The following ZNF831 variants were observed in gnomAD, a reference collection of about 807,000 sequenced individuals.
The protein encoded by ZNF831 is zinc finger protein 831.
In ZNF831, 59 loss-of-function variants were observed where a neutral mutation model predicts 95.8. The observed-to-expected ratio is 0.62, with a 90% confidence interval of 0.50 to 0.77. ZNF831 has a LOEUF of 0.77. ZNF831 is among the 30% of genes least tolerant of loss of function. The pLI, the probability that ZNF831 is intolerant of heterozygous loss-of-function variation, is 0.00. For missense variants in ZNF831, 2,205 were observed against 2,164.0 expected (o/e 1.02, Z -0.38); for synonymous variants, 961 against 925.5 (o/e 1.04, Z -0.70).
At chr20:59,225,254 T>C (rs1279740885) in intron 4 of ZNF831, among the ~76,000 whole-genome samples, 1 of 152,214 alleles carries the variant, frequency 6.6e-6, no homozygotes, top group Non-Finnish European at 1.5e-5. Flanking sequence ...GAAGAAGTTG[T>C]TCTTTTTTAT....
chr20:59,156,732 T>C (rs1980564319), intron 2 of ZNF831, among the ~76,000 whole-genome samples: 1 of 152,204 alleles, frequency 6.6e-6, no homozygotes, highest in Non-Finnish European at 1.5e-5. Flanking sequence ...TTGACTGTTT[T>C]AGATTCCACA....
At position 59,194,493 on chromosome 20, in the gene ZNF831, G is replaced by A. The variant is rs767673212; in HGVS notation, c.3474G>A (p.Thr1158=). 2.4e-5 allele frequency: 38 copies of A among 1,611,782 alleles called. No homozygotes were observed. The highest frequency in any genetic ancestry group is 5.3e-5 in the African/African-American group (4 of 74,896). The change falls in exon 2 of 6, where the codon ACG becomes ACA. Residue 1158 remains threonine (T), a synonymous_variant. Coordinates refer to ENST00000371030, the MANE Select transcript of ZNF831 (RefSeq NM_178457.3). ...PELALSSHSG[T]SRSHSTRSPH... is the part of the protein sequence containing the mutation. Reference sequence around the variant, plus strand: ...TGGCCTTGTCTTCCCACTCAGGGACGTCCCGGAGCCACAGCACCCGCAGTC... The same window carrying A: ...TGGCCTTGTCTTCCCACTCAGGGACATCCCGGAGCCACAGCACCCGCAGTC...
intron 3 of ZNF831, among the ~76,000 whole-genome samples, chr20:59,200,024 C>T (rs994261077): frequency 6.6e-6 from 1 of 152,186 alleles, no homozygotes; most frequent in Non-Finnish European, 1.5e-5. Flanking sequence ...ATCAAAGCTA[C>T]CATTGCACTA....
chr20:59,136,772 T>C (rs1979524582), intron 1 of ZNF831, among the ~76,000 whole-genome samples: 1 of 152,242 alleles, frequency 6.6e-6, no homozygotes, highest in East Asian at 1.9e-4. Flanking sequence ...CAAAATCTTT[T>C]TTCCTTTCTA....
chr20:59,160,873 C>T (rs1260880591), upstream of ZNF831: 6 of 151,594 alleles, frequency 4.0e-5, no homozygotes, highest in Admixed American at 1.3e-4. Context: ...TGCAGTTTTC[C>T]GAATGAGGCT....
intron 4 of ZNF831, among the ~76,000 whole-genome samples, chr20:59,238,370 G>A (rs1309869447): frequency 1.3e-5 from 2 of 152,050 alleles, no homozygotes; most frequent in African/African-American, 4.8e-5. Context: ...GTTTCCTCTG[G>A]AATCAGTGCA....
chr20:59,216,998 T>G (rs763867103), intron 4 of ZNF831, among the ~76,000 whole-genome samples: 41 of 150,170 alleles, frequency 2.7e-4, no homozygotes, highest in Admixed American at 2.6e-3. Context: ...GGCAAAAAAG[T>G]TAATTATTAG....
intron 4 of ZNF831, among the ~76,000 whole-genome samples, chr20:59,244,956 A>G (rs561655173): frequency 8.9e-4 from 136 of 152,366 alleles, no homozygotes; most frequent in Non-Finnish European, 1.6e-3. Flanking sequence ...CCCAAAGAGC[A>G]ATTGCTGGAT....
intron 4 of ZNF831, among the ~76,000 whole-genome samples, chr20:59,247,825 T>C (rs756009620): frequency 2.0e-4 from 30 of 152,224 alleles, no homozygotes; most frequent in Non-Finnish European, 3.8e-4. Context: ...TCAAATTACT[T>C]ACATTTTTAG....
intron 1 of ZNF831, among the ~76,000 whole-genome samples, chr20:59,179,060 C>T (rs1013551579): frequency 2.0e-5 from 3 of 152,202 alleles, no homozygotes; most frequent in Non-Finnish European, 4.4e-5. Context: ...TTACAGAGCA[C>T]CTCTTCCCAC....
chr20:59,235,229 C>T (rs1986933552), intron 4 of ZNF831, among the ~76,000 whole-genome samples: 1 of 152,152 alleles, frequency 6.6e-6, no homozygotes, highest in Non-Finnish European at 1.5e-5. Context: ...CAGCCAGGGT[C>T]CCCGCTGCCA....
intron 1 of ZNF831, among the ~76,000 whole-genome samples, chr20:59,174,463 C>T (rs1248941621): frequency 6.6e-6 from 1 of 152,208 alleles, no homozygotes; most frequent in Non-Finnish European, 1.5e-5. Flanking sequence ...CATTTATGCC[C>T]TCACATTTAG....
intron 3 of ZNF831, among the ~76,000 whole-genome samples, chr20:59,204,791 T>G (rs1300115668): frequency 2.0e-5 from 3 of 152,078 alleles, no homozygotes; most frequent in Non-Finnish European, 2.9e-5. Flanking sequence ...GGCCACACCT[T>G]GAGGGGACTT....
At position 59,254,231 on chromosome 20, in the gene ZNF831, A is replaced by G. The variant is rs1219958935; in HGVS notation, c.4522A>G (p.Ile1508Val). The change falls in exon 6 of 6, where the codon ATT becomes GTT. Residue 1508 changes from isoleucine (I) to valine (V), a missense_variant. Transcript: ENST00000371030. This position sits in a 1 kb window ranked among gnomAD's most constrained non-coding sequence, Gnocchi z 4.5. ...GAGAACAGATCACATAGCCCAGGAAATTCACAGTGCTGAATCACGAGACCA... is the reference window on the plus strand; with the variant it reads ...GAGAACAGATCACATAGCCCAGGAAGTTCACAGTGCTGAATCACGAGACCA... ...PVRTDHIAQEIHSAESRDHSQ... is the reference protein window; with the variant it reads ...PVRTDHIAQEVHSAESRDHSQ... The G allele has an allele frequency of 6.2e-7, 1 of 1,614,062 alleles. No individual in the cohort carries two copies. The highest frequency in any genetic ancestry group is 8.5e-7 in the Non-Finnish European group (1 of 1,179,986).
At chr20:59,232,994 G>A (rs1600664717) in intron 4 of ZNF831, among the ~76,000 whole-genome samples, 6 of 123,084 alleles carry the variant, frequency 4.9e-5, no homozygotes, top group Admixed American at 8.5e-5. Context: ...GGACCCTGAG[G>A]CACACACACA....
chr20:59,233,330 T>A lies in ZNF831; in HGVS notation c.4028-19648T>A, dbSNP rs567761071. Among the ~76,000 whole-genome samples, 115 of 152,240 alleles carry A rather than the reference T, an allele frequency of 7.6e-4. 1 individual carries two copies. Among genetic ancestry groups the A allele is most frequent in the African/African-American group, 2.7e-3 (111 of 41,540 alleles). On this transcript the variant is annotated intron_variant, in intron 4 of 5. Coordinates refer to ENST00000371030, the MANE Select transcript of ZNF831 (RefSeq NM_178457.3). ...AAATCATGGCCAAGGTGCACCATTT[T>A]GGCCTAGGTTCTTCTCCCAACATTT... is the stretch of plus-strand genomic sequence containing the variant.
chr20:59,159,191 C>G (rs569478488), upstream of ZNF831, among the ~76,000 whole-genome samples: 1 of 152,054 alleles, frequency 6.6e-6, no homozygotes, highest in African/African-American at 2.4e-5. Context: ...CACAGACCCA[C>G]CAAGAAGCTC....
intron 1 of ZNF831, among the ~76,000 whole-genome samples, chr20:59,129,378 GCACTTT>G (rs1979279037): frequency 6.6e-6 from 1 of 152,172 alleles, no homozygotes; most frequent in Non-Finnish European, 1.5e-5. Context: ...TATAATCCCA[GCACTTT>G]GGGAGGCTGA....
intron 4 of ZNF831, among the ~76,000 whole-genome samples, chr20:59,246,409 G>A (rs144153855): frequency 6.6e-6 from 1 of 152,320 alleles, no homozygotes; most frequent in African/African-American, 2.4e-5. Context: ...TCCCAGGGAA[G>A]AGACCCACAT....
Sources: allele counts gnomAD v4.1 joint callset (sites outside exome capture counted in the v4.1 genomes callset), GRCh38; gene constraint gnomAD v4.1.1; non-coding constraint Gnocchi (gnomAD v3.1); transcripts MANE v1.5; gene names NCBI Gene and HGNC (gene_info 2026-07-23, HGNC 2026-07-21).